TBC1D22B: variants seen among roughly 807,000 people sequenced by gnomAD.
The protein encoded by TBC1D22B is chromosome 6 open reading frame 197.
In TBC1D22B, 32 loss-of-function variants were observed where a neutral mutation model predicts 69.1. That is an observed-to-expected ratio of 0.46 (90% CI 0.35 to 0.62). The LOEUF (loss-of-function observed/expected upper bound fraction) is 0.62. Among genes scored for constraint, TBC1D22B ranks in the 20% least tolerant of loss-of-function variants. The pLI, the probability that TBC1D22B is intolerant of heterozygous loss-of-function variation, is 0.00. For synonymous variants in TBC1D22B, 206 were observed against 229.8 expected (o/e 0.90, Z 0.94); for missense variants, 462 against 630.9 (o/e 0.73, Z 2.87).
chr6:37,266,183 C>G (rs1049689299), intron 1 of TBC1D22B, among the ~76,000 whole-genome samples: 1 of 152,190 alleles, frequency 6.6e-6, no homozygotes, highest in Non-Finnish European at 1.5e-5. Context: ...GATACTTGTA[C>G]ATGATACTAA....
rs199905442 is a variant in TBC1D22B, at chr6:37,262,488, C to T, written c.56+4515C>T. 5.9e-5 allele frequency among the ~76,000 whole-genome samples: 9 copies of T among 152,148 alleles called. No homozygotes were observed. The East Asian group carries it at 1.2e-3, about 20-fold the overall frequency. On this transcript the variant is annotated intron_variant, in intron 1 of 12. Transcript: ENST00000373491. ...ATGAGCCTCTGCGTCTGGCCAAAATCGAAATTACCTGAGTCTTCCAGGCCC... is the reference window on the plus strand; with the variant it reads ...ATGAGCCTCTGCGTCTGGCCAAAATTGAAATTACCTGAGTCTTCCAGGCCC...
chr6:37,303,289 C>A (rs1252426368), intron 8 of TBC1D22B, among the ~76,000 whole-genome samples: 1 of 152,148 alleles, frequency 6.6e-6, no homozygotes, highest in Non-Finnish European at 1.5e-5. Flanking sequence ...CTTCTCCTTC[C>A]CTTACCCAGG....
intron 12 of TBC1D22B, among the ~76,000 whole-genome samples, chr6:37,330,459 G>A (rs1346772198): frequency 2.6e-5 from 4 of 151,880 alleles, no homozygotes; most frequent in Admixed American, 2.0e-4. Flanking sequence ...GGATGGTTTC[G>A]ATCTCCTGAC....
rs745997175 is a variant in TBC1D22B, at chr6:37,331,126, G to A, written c.1472G>A (p.Arg491Lys). The A allele has an allele frequency of 6.2e-7, 1 of 1,614,164 alleles. No individual in the cohort carries two copies. Among genetic ancestry groups the A allele is most frequent in the Non-Finnish European group, 8.5e-7 (1 of 1,180,024 alleles). Residue 491 changes from arginine to lysine, a missense_variant, in exon 13 of 13, where the codon AGA becomes AAA. By Grantham distance (26) the Arg-to-Lys change is conservative. This residue lies in a region of TBC1D22B where 225 missense variants were observed against 375.4 expected (regional missense o/e 0.60). Transcript: ENST00000373491. ...EIGLLLAEAY[R>K]LKYMFADAPN... ...GGGCTGCTTCTCGCCGAGGCATACA[G>A]ACTCAAGTACATGTTTGCCGATGCC...
chr6:37,260,989 C>T (rs1766074031), intron 1 of TBC1D22B, among the ~76,000 whole-genome samples: 1 of 152,126 alleles, frequency 6.6e-6, no homozygotes, highest in Non-Finnish European at 1.5e-5. Flanking sequence ...TTCTATTCTT[C>T]TGCTGATAAA....
chr6:37,300,984 A>G (rs1273431885), intron 8 of TBC1D22B, among the ~76,000 whole-genome samples: 2 of 148,616 alleles, frequency 1.3e-5, no homozygotes, highest in East Asian at 3.9e-4. Flanking sequence ...CCTTCCCCCT[A>G]TCCCCTGGCA....
chr6:37,325,719 T>C (rs1443361571), intron 12 of TBC1D22B, among the ~76,000 whole-genome samples: 2 of 151,992 alleles, frequency 1.3e-5, no homozygotes, highest in Admixed American at 1.3e-4. Flanking sequence ...CCAGCTAATT[T>C]TTTGTATTTT....
At chr6:37,271,299 C>A (rs984553225) in intron 2 of TBC1D22B, among the ~76,000 whole-genome samples, 1 of 152,126 alleles carries the variant, frequency 6.6e-6, no homozygotes, top group Non-Finnish European at 1.5e-5. Context: ...GGCAACAGAG[C>A]AAGACTCTGT....
intron 10 of TBC1D22B, 35 bp downstream of exon 10, chr6:37,313,926 G>A (rs1478758220): frequency 1.9e-6 from 3 of 1,582,684 alleles, no homozygotes; most frequent in East Asian, 2.2e-5. Context: ...TCTAGCAATA[G>A]CAGAGTTGAT....
At chr6:37,284,595 C>T (rs1023772749) in intron 6 of TBC1D22B, 131 bp downstream of exon 6, 57 of 1,035,566 alleles carry the variant, frequency 5.5e-5, no homozygotes, top group Non-Finnish European at 7.3e-5. Context: ...TAAATTTATC[C>T]TCAAAACTGT....
chr6:37,322,043 A>G (rs902761013), intron 12 of TBC1D22B, among the ~76,000 whole-genome samples: 3 of 152,178 alleles, frequency 2.0e-5, no homozygotes, highest in Non-Finnish European at 4.4e-5. Flanking sequence ...GATGTTTTCT[A>G]CCCATTTTGA....
intron 1 of TBC1D22B, among the ~76,000 whole-genome samples, chr6:37,267,470 A>T (rs1262904337): frequency 4.6e-5 from 4 of 86,528 alleles, no homozygotes; most frequent in East Asian, 3.0e-4. Flanking sequence ...ACATATATAT[A>T]ATATATATAC....
At chr6:37,307,430 A>T (rs1262708888) in intron 8 of TBC1D22B, among the ~76,000 whole-genome samples, 1 of 147,782 alleles carries the variant, frequency 6.8e-6, no homozygotes, top group Admixed American at 6.9e-5. Flanking sequence ...ATCTCGGCTC[A>T]CTGCAATTTC....
At position 37,316,878 on chromosome 6, in the gene TBC1D22B, TCCAG is replaced by T; in HGVS notation, c.1293+50_1293+53del. On this transcript the variant is annotated intron_variant, in intron 11 of 12. Coordinates refer to ENST00000373491, the MANE Select transcript of TBC1D22B (RefSeq NM_017772.4). ...TCTGTGCCAGGCTGTCTCTGAGGTG[TCCAG>T]CTCTCTGCCATGTTGTGGAATGTAG... is the stretch of plus-strand genomic sequence containing the variant. 1.9e-6 allele frequency: 3 copies of T among 1,611,968 alleles called. No homozygotes were observed. In the Middle Eastern group the frequency reaches 5.0e-4, roughly 267 times the overall value.
At chr6:37,282,792 G>C (rs1377106890) in intron 4 of TBC1D22B, 90 bp from the exon 5 acceptor site, 1 of 1,267,114 alleles carries the variant, frequency 7.9e-7, no homozygotes. Flanking sequence ...GTCTTACATG[G>C]ATGGAAGGAG....
intron 12 of TBC1D22B, among the ~76,000 whole-genome samples, chr6:37,327,477 CAAAAAAAAAAAAA>C (rs56160547): frequency 5.8e-5 from 3 of 52,072 alleles, no homozygotes; most frequent in Non-Finnish European, 9.5e-5. Context: ...GACTCCGACT[CAAAAAAAAAAAAA>C]AAAAAAAAAA....
intron 8 of TBC1D22B, among the ~76,000 whole-genome samples, chr6:37,297,125 C>T (rs933157058): frequency 1.3e-5 from 2 of 152,142 alleles, no homozygotes; most frequent in Admixed American, 1.3e-4. Context: ...CTGCACCTGG[C>T]CAAAGACATT....
At chr6:37,280,565 G>A (rs546578440) in intron 3 of TBC1D22B, among the ~76,000 whole-genome samples, 1 of 152,226 alleles carries the variant, frequency 6.6e-6, no homozygotes, top group Non-Finnish European at 1.5e-5. Context: ...ACAGCTGCAG[G>A]CCGTGGAAGG....
At chr6:37,330,866 C>T (rs1243015543) in intron 12 of TBC1D22B, among the ~76,000 whole-genome samples, 178 bp from the exon 13 acceptor site, 1 of 152,074 alleles carries the variant, frequency 6.6e-6, no homozygotes, top group Non-Finnish European at 1.5e-5. Flanking sequence ...TTCAAGACCT[C>T]CTGAGGTGAA....
Sources: allele counts gnomAD v4.1 joint callset (sites outside exome capture counted in the v4.1 genomes callset), GRCh38; gene constraint gnomAD v4.1.1; regional missense constraint gnomAD v4.1.1; transcripts MANE v1.5; gene names NCBI Gene and HGNC (gene_info 2026-07-23, HGNC 2026-07-21).